Variants in ZFPM2 observed in about 807,000 individuals in gnomAD.
The protein encoded by ZFPM2 is zinc finger protein ZFPM2.
A neutral mutation model predicts 98.6 loss-of-function variants in ZFPM2; 20 were observed. That is an observed-to-expected ratio of 0.20 (90% CI 0.14 to 0.29). ZFPM2 has a LOEUF of 0.29. Ranked by LOEUF, ZFPM2 falls within the 10% of genes least tolerant of loss-of-function variation. The probability of loss-of-function intolerance (pLI) is 1.00; values close to 1 mark genes in which losing one functional copy is unlikely to be tolerated. For missense variants in ZFPM2, 1,310 were observed against 1,388.6 expected, an observed-to-expected ratio of 0.94 and a Z score of 0.90; for synonymous variants, 518 against 502.7, an observed-to-expected ratio of 1.03 and a Z score of -0.41.
At chr8:105,493,761 T>C (rs1422183880) in intron 3 of ZFPM2, among the ~76,000 whole-genome samples, 2 of 152,190 alleles carry the variant, frequency 1.3e-5, no homozygotes, top group African/African-American at 2.4e-5. Flanking sequence ...ACATATCTTA[T>C]GTTGCTTCTA....
chr8:105,662,610 A>G (rs1429962680), intron 5 of ZFPM2: 5 of 151,616 alleles, frequency 3.3e-5, no homozygotes, highest in Non-Finnish European at 7.4e-5. Context: ...TCTCCATGAC[A>G]CTAGGCCTAA....
At chr8:105,741,150 G>A (rs778801094) in intron 5 of ZFPM2, among the ~76,000 whole-genome samples, 1 of 152,050 alleles carries the variant, frequency 6.6e-6, no homozygotes, top group Non-Finnish European at 1.5e-5. Flanking sequence ...AGAGAAGTGT[G>A]CAGAGGAGCC....
chr8:105,661,971 T>G (rs1817398165), intron 5 of ZFPM2, among the ~76,000 whole-genome samples: 1 of 151,820 alleles, frequency 6.6e-6, no homozygotes, highest in African/African-American at 2.4e-5. Flanking sequence ...TTCTTTCTCT[T>G]TGTAAGAAAA....
chr8:105,508,982 A>G (rs1297331072), intron 3 of ZFPM2, among the ~76,000 whole-genome samples: 1 of 152,098 alleles, frequency 6.6e-6, no homozygotes, highest in Non-Finnish European at 1.5e-5. Flanking sequence ...GATGGGCCCC[A>G]TTTACATTGA....
At chr8:105,641,877 A>G (rs1230145116) in intron 5 of ZFPM2, among the ~76,000 whole-genome samples, 4 of 151,326 alleles carry the variant, frequency 2.6e-5, no homozygotes, top group Admixed American at 2.6e-4. Flanking sequence ...TATTTTGGAG[A>G]AAAAAAATAT....
In ZFPM2 at chr8:105,373,924, A is replaced by G. The variant is rs185852322; in HGVS notation, c.41-45220A>G. ...AGGTCATCTTTGATCCAATCACTGG[A>G]ATAGCCAACACCTGGGCTGGGAGGG... is the stretch of plus-strand genomic sequence containing the variant. On this transcript the variant is annotated intron_variant, in intron 1 of 7. Transcript: ENST00000407775. Among the ~76,000 whole-genome samples, 9 of 152,308 alleles carry G rather than the reference A, an allele frequency of 5.9e-5. No individual in the cohort carries two copies. In the East Asian group the frequency reaches 1.7e-3, roughly 29 times the overall value.
intron 3 of ZFPM2, among the ~76,000 whole-genome samples, chr8:105,545,143 G>A (rs992812898): frequency 6.6e-6 from 1 of 152,102 alleles, no homozygotes; most frequent in African/African-American, 2.4e-5. Context: ...AATAACCTTT[G>A]ATTTTGATAG....
chr8:105,587,242 A>C (rs1265709930), intron 4 of ZFPM2, among the ~76,000 whole-genome samples: 1 of 144,062 alleles, frequency 6.9e-6, no homozygotes, highest in Non-Finnish European at 1.5e-5. Context: ...GTGCCACTGC[A>C]CTCCAGCCTG....
chr8:105,689,399 C>T (rs1176909983), intron 5 of ZFPM2, among the ~76,000 whole-genome samples: 1 of 152,102 alleles, frequency 6.6e-6, no homozygotes, highest in Non-Finnish European at 1.5e-5. Context: ...ACAATACACT[C>T]CAGTTAAAAG....
intron 5 of ZFPM2, among the ~76,000 whole-genome samples, chr8:105,657,765 G>A (rs532233918): frequency 1.3e-5 from 2 of 152,260 alleles, no homozygotes; most frequent in South Asian, 4.1e-4. Flanking sequence ...AGCTGGAGAA[G>A]GATAGAGTCA....
intron 5 of ZFPM2, among the ~76,000 whole-genome samples, chr8:105,729,535 G>A (rs1382918937): frequency 2.6e-5 from 4 of 151,566 alleles, no homozygotes; most frequent in African/African-American, 9.7e-5. Context: ...ATTCCTACAT[G>A]TTTTCTTTGT....
At chr8:105,736,487 T>C (rs1812075752) in intron 5 of ZFPM2, among the ~76,000 whole-genome samples, 1 of 151,930 alleles carries the variant, frequency 6.6e-6, no homozygotes, top group Admixed American at 6.6e-5. Flanking sequence ...TTTTTCCCAA[T>C]ACTTAGAACA....
At chr8:105,524,155 G>A (rs1814121421) in intron 3 of ZFPM2, among the ~76,000 whole-genome samples, 1 of 152,058 alleles carries the variant, frequency 6.6e-6, no homozygotes, top group Non-Finnish European at 1.5e-5. Context: ...GGCACTTTGG[G>A]GAGATATAAC....
intron 3 of ZFPM2, among the ~76,000 whole-genome samples, chr8:105,557,848 A>T (rs1815034228): frequency 6.6e-6 from 1 of 152,124 alleles, no homozygotes; most frequent in Non-Finnish European, 1.5e-5. Context: ...TGGTTCGGGG[A>T]CTTAAGTCTG....
intron 1 of ZFPM2, among the ~76,000 whole-genome samples, chr8:105,358,099 G>A (rs550052521): frequency 1.3e-5 from 2 of 152,120 alleles, no homozygotes; most frequent in Non-Finnish European, 2.9e-5. Context: ...TGTGAACCTT[G>A]TTAAATTAAA....
At chr8:105,393,344 TTC>T (rs1242830639) in intron 1 of ZFPM2, among the ~76,000 whole-genome samples, 1 of 71,182 alleles carries the variant, frequency 1.4e-5, no homozygotes, top group Non-Finnish European at 2.8e-5. Flanking sequence ...TTGCCTTTCT[TTC>T]TTTCTTTCTT....
chr8:105,723,106 C>T (rs1274800245), intron 5 of ZFPM2, among the ~76,000 whole-genome samples: 1 of 151,802 alleles, frequency 6.6e-6, no homozygotes, highest in Admixed American at 6.6e-5. Context: ...GGTGTCTATT[C>T]GTTCTTGAAT....
chr8:105,441,477 AG>A lies in ZFPM2; in HGVS notation c.200-2802del, dbSNP rs1812244618. The stretch of plus-strand genomic sequence containing the variant: ...GAGAAAGAAAGAAAGAAAGAAAGAA[AG>A]AAAGAAAGAAAGAAAGAAAGAAATC... On this transcript the variant is annotated intron_variant, in intron 2 of 7. Transcript: ENST00000407775. 8.3e-5 allele frequency among the ~76,000 whole-genome samples: 8 copies of A among 96,790 alleles called. 2 individuals carry two copies. Among genetic ancestry groups the A allele is most frequent in the East Asian group, 2.6e-4 (1 of 3,808 alleles). 63.5% of individuals were successfully genotyped at this position (96,790 alleles called of 152,430 possible).
intron 1 of ZFPM2, among the ~76,000 whole-genome samples, chr8:105,390,030 A>G (rs1449477516): frequency 1.3e-5 from 2 of 152,102 alleles, no homozygotes; most frequent in African/African-American, 4.8e-5. Context: ...AAATCATGCT[A>G]TTTATTTTAA....
Sources: allele counts gnomAD v4.1 joint callset (sites outside exome capture counted in the v4.1 genomes callset), GRCh38; gene constraint gnomAD v4.1.1; transcripts MANE v1.5; gene names NCBI Gene and HGNC (gene_info 2026-07-23, HGNC 2026-07-21).